The following STOML3 variants were observed in gnomAD, a reference collection of about 807,000 sequenced individuals.
The protein encoded by STOML3 is stomatin like 3.
In STOML3, 31 loss-of-function variants were observed where a neutral mutation model predicts 29.5. That is an observed-to-expected ratio of 1.05 (90% CI 0.79 to 1.42). The LOEUF (loss-of-function observed/expected upper bound fraction) is 1.42, where lower values mean the gene tolerates loss of function less well. Ranked by LOEUF, STOML3 falls within the 40% of genes most tolerant of loss-of-function variation. The pLI is 0.00. For missense variants in STOML3, 380 were observed against 363.0 expected, an observed-to-expected ratio of 1.05 and a Z score of -0.38; for synonymous variants, 122 against 139.8, an observed-to-expected ratio of 0.87 and a Z score of 0.90.
chr13:38,975,150 T>C (rs1473827264), intron 3 of STOML3, among the ~76,000 whole-genome samples: 1 of 151,632 alleles, frequency 6.6e-6, no homozygotes, highest in Non-Finnish European at 1.5e-5. Flanking sequence ...GCCAACATGG[T>C]GAAACCCCAT....
At chr13:38,976,324 G>A (rs1226569150) in intron 3 of STOML3, among the ~76,000 whole-genome samples, 1 of 152,156 alleles carries the variant, frequency 6.6e-6, no homozygotes. Flanking sequence ...AGACTTAGGA[G>A]GCCGGGCCAG....
At chr13:38,976,176 T>G (rs1881067393) in intron 3 of STOML3, among the ~76,000 whole-genome samples, 1 of 152,190 alleles carries the variant, frequency 6.6e-6, no homozygotes, top group Non-Finnish European at 1.5e-5. Flanking sequence ...TCTCCTTGAG[T>G]AACTTAATAG....
At chr13:38,977,270 T>G (rs886696115) in intron 1 of STOML3, among the ~76,000 whole-genome samples, 7 of 152,214 alleles carry the variant, frequency 4.6e-5, no homozygotes, top group Non-Finnish European at 8.8e-5. Flanking sequence ...TGCAAAATCC[T>G]GAGGTATGAG....
intron 1 of STOML3, among the ~76,000 whole-genome samples, chr13:38,986,272 T>G (rs918150718): frequency 6.6e-6 from 1 of 151,954 alleles, no homozygotes; most frequent in Non-Finnish European, 1.5e-5. Context: ...TGACCTCAGG[T>G]GATCCACCTG....
chr13:38,977,520 CTTG>C (rs974433819), intron 1 of STOML3, among the ~76,000 whole-genome samples: 6 of 152,242 alleles, frequency 3.9e-5, no homozygotes, highest in African/African-American at 1.2e-4. Flanking sequence ...ATTCCAGGGA[CTTG>C]TTGTCAGATG....
At chr13:38,981,675 G>A (rs893603893) in intron 1 of STOML3, among the ~76,000 whole-genome samples, 3 of 152,082 alleles carry the variant, frequency 2.0e-5, no homozygotes, top group Non-Finnish European at 2.9e-5. Flanking sequence ...ATAGGATGAT[G>A]TACATTACAC....
chr13:38,966,907 A>G lies in STOML3; in HGVS notation c.794T>C (p.Val265Ala), dbSNP rs1432183684. 6.2e-7 allele frequency: 1 copy of G among 1,613,712 alleles called. No homozygotes were observed. Among genetic ancestry groups the G allele is most frequent in the Non-Finnish European group, 8.5e-7 (1 of 1,179,938 alleles). Residue 265 changes from valine (V) to alanine (A), a missense_variant, in exon 7 of 7, where the codon GTG becomes GCG. By Grantham distance (64) the Val-to-Ala change is moderately conservative. Coordinates refer to ENST00000379631, the MANE Select transcript of STOML3 (RefSeq NM_145286.3). The part of the protein sequence containing the change: ...TVATEKNSTI[V>A]FPLPMNILEG... ...TAGTATATTCATGGGCAGAGGAAAC[A>G]CAATCGTAGAATTCTTCTCGGTGGC... is the stretch of plus-strand genomic sequence containing the variant.
At chr13:38,978,742 G>A (rs1881179356) in intron 1 of STOML3, among the ~76,000 whole-genome samples, 1 of 152,038 alleles carries the variant, frequency 6.6e-6, no homozygotes, top group African/African-American at 2.4e-5. Context: ...TCCATCCCCA[G>A]TTACCCATTT....
At chr13:38,973,132 A>AAAAAG (rs1566204902) in intron 3 of STOML3, among the ~76,000 whole-genome samples, 1 of 124,128 alleles carries the variant, frequency 8.1e-6, no homozygotes, top group African/African-American at 3.1e-5. Flanking sequence ...AAAAAAAAAA[A>AAAAAG]TTATCTGGGC....
At chr13:38,974,509 A>AAT (rs1881000400) in intron 3 of STOML3, among the ~76,000 whole-genome samples, 1 of 152,136 alleles carries the variant, frequency 6.6e-6, no homozygotes, top group Non-Finnish European at 1.5e-5. Flanking sequence ...TCGGTTACCT[A>AAT]ATATATATAA....
At chr13:38,977,912 A>G (rs145293685) in intron 1 of STOML3, among the ~76,000 whole-genome samples, 2 of 151,766 alleles carry the variant, frequency 1.3e-5, no homozygotes, top group Non-Finnish European at 2.9e-5. Context: ...GGCTCCCGCC[A>G]CCACACCTGG....
intron 6 of STOML3, among the ~76,000 whole-genome samples, chr13:38,968,114 C>A (rs1215264740): frequency 6.6e-6 from 1 of 152,092 alleles, no homozygotes; most frequent in Non-Finnish European, 1.5e-5. Flanking sequence ...TTGTTAAATT[C>A]TCCCCAGGGA....
intron 6 of STOML3, 40 bp from the exon 7 acceptor site, chr13:38,967,089 T>C (rs1398110936): frequency 6.3e-7 from 1 of 1,575,518 alleles, no homozygotes; most frequent in Admixed American, 1.8e-5. Context: ...AATAAAAGTT[T>C]ACACTATAAC....
intron 1 of STOML3, among the ~76,000 whole-genome samples, chr13:38,985,907 C>CTTTTT (rs1868500200): frequency 8.4e-5 from 2 of 23,676 alleles, no homozygotes; most frequent in African/African-American, 2.8e-4. Flanking sequence ...TTTTTCTTTT[C>CTTTTT]TTTCTTTTTT....
chr13:38,966,791 T>G lies in STOML3; in HGVS notation c.*34A>C. On this transcript the variant is annotated 3_prime_UTR_variant, in exon 7 of 7. Transcript: ENST00000379631. ...GCTTCTCCATAGGAATAGACACCAC[T>G]CTCTATGCAATAGCTGACTACCGCA... The G allele has an allele frequency of 6.4e-7, 1 of 1,573,186 alleles. No homozygotes were observed. The highest frequency in any genetic ancestry group is 8.7e-7 in the Non-Finnish European group (1 of 1,145,302).
intron 1 of STOML3, among the ~76,000 whole-genome samples, chr13:38,985,033 T>A (rs572390659): frequency 6.6e-6 from 1 of 152,270 alleles, no homozygotes; most frequent in East Asian, 1.9e-4. Flanking sequence ...AAGATTCTAT[T>A]TTCTCTCAAA....
chr13:38,966,891 C>A lies in STOML3; in HGVS notation c.810G>T (p.Met270Ile). The change falls in exon 7 of 7, where the codon ATG becomes ATT. Residue 270 changes from methionine (M) to isoleucine (I), a missense_variant. Coordinates refer to ENST00000379631, the MANE Select transcript of STOML3 (RefSeq NM_145286.3). ...CGCCACCAATGCCCTCTAGTATATT[C>A]ATGGGCAGAGGAAACACAATCGTAG... ...KNSTIVFPLP[M>I]NILEGIGGVS... is the part of the protein sequence containing the mutation. The A allele has an allele frequency of 1.9e-6, 3 of 1,613,950 alleles. No individual in the cohort carries two copies. Among genetic ancestry groups the A allele is most frequent in the African/African-American group, 1.3e-5 (1 of 74,954 alleles).
intron 3 of STOML3, among the ~76,000 whole-genome samples, chr13:38,974,128 G>T (rs776115802): frequency 2.8e-4 from 43 of 152,130 alleles, no homozygotes; most frequent in Non-Finnish European, 5.4e-4. Flanking sequence ...TAAGGACCCT[G>T]GGAACTCTTA....
At chr13:38,972,641 C>A (rs1276520874) in intron 3 of STOML3, 47 bp from the exon 4 acceptor site, 1 of 1,554,212 alleles carries the variant, frequency 6.4e-7, no homozygotes, top group African/African-American at 1.4e-5. Flanking sequence ...TTGAAAATAA[C>A]TACAAGTAGT....
Sources: allele counts gnomAD v4.1 joint callset (sites outside exome capture counted in the v4.1 genomes callset), GRCh38; gene constraint gnomAD v4.1.1; transcripts MANE v1.5; gene names NCBI Gene and HGNC (gene_info 2026-07-23, HGNC 2026-07-21).